The following DACH1 variants were observed in gnomAD, a reference collection of about 807,000 sequenced individuals.
The protein encoded by DACH1 is dachshund family transcription factor 1.
DACH1 carries 12 observed loss-of-function variants against 54.2 expected under a neutral mutation model. The observed-to-expected ratio is 0.22, with a 90% confidence interval of 0.14 to 0.36. The LOEUF is 0.36. Ranked by LOEUF, DACH1 falls within the 10% of genes least tolerant of loss-of-function variation. The probability of loss-of-function intolerance (pLI) is 1.00; values close to 1 mark genes in which losing one functional copy is unlikely to be tolerated. For synonymous variants in DACH1, 386 were observed against 366.2 expected (o/e 1.05, Z -0.62); for missense variants, 805 against 929.8 (o/e 0.87, Z 1.75).
intron 2 of DACH1, among the ~76,000 whole-genome samples, chr13:71,679,162 A>G (rs905203724): frequency 6.6e-6 from 1 of 152,238 alleles, no homozygotes; most frequent in Non-Finnish European, 1.5e-5. Context: ...AAATGATCGT[A>G]CTTTAAAAAT....
chr13:71,746,959 T>C lies in DACH1; in HGVS notation c.849-65049A>G, dbSNP rs560977238. Among the ~76,000 whole-genome samples, 17 of 152,294 alleles carry C rather than the reference T, an allele frequency of 1.1e-4. No individual in the cohort carries two copies. In the South Asian group the frequency reaches 3.5e-3, roughly 32 times the overall value. On this transcript the variant is annotated intron_variant, in intron 1 of 10. Transcript: ENST00000613252. ...ATTTCTGTATTAACACATATGTATA[T>C]GTATTAACACAATATCTAACACATA...
intron 2 of DACH1, among the ~76,000 whole-genome samples, chr13:71,659,595 A>C (rs2138648094): frequency 6.6e-6 from 1 of 152,238 alleles, no homozygotes; most frequent in East Asian, 1.9e-4. Context: ...GCTGTTAACA[A>C]CTTCTGAGTT....
At chr13:71,493,562 A>ATGTAAC (rs1272107805) in intron 6 of DACH1, among the ~76,000 whole-genome samples, 1 of 152,202 alleles carries the variant, frequency 6.6e-6, no homozygotes, top group East Asian at 1.9e-4. Flanking sequence ...CTAAAACAGT[A>ATGTAAC]TGTAACTTTT....
intron 1 of DACH1, among the ~76,000 whole-genome samples, chr13:71,837,187 C>T (rs1370628735): frequency 1.3e-5 from 2 of 151,678 alleles, no homozygotes; most frequent in African/African-American, 4.8e-5. Flanking sequence ...AATATACTTC[C>T]TCATTTGGAA....
At chr13:71,711,067 T>G (rs989966379) in intron 1 of DACH1, among the ~76,000 whole-genome samples, 1 of 152,122 alleles carries the variant, frequency 6.6e-6, no homozygotes, top group Non-Finnish European at 1.5e-5. Flanking sequence ...AAAACAGGAT[T>G]GCAAAGCCAT....
intron 1 of DACH1, among the ~76,000 whole-genome samples, chr13:71,862,238 A>C (rs1432044356): frequency 6.6e-6 from 1 of 152,054 alleles, no homozygotes; most frequent in African/African-American, 2.4e-5. Flanking sequence ...ATAATAAAAC[A>C]GGGTCACTTT....
At chr13:71,523,619 A>G (rs1392110610) in intron 6 of DACH1, among the ~76,000 whole-genome samples, 1 of 151,986 alleles carries the variant, frequency 6.6e-6, no homozygotes, top group Non-Finnish European at 1.5e-5. Context: ...CTTCCAAGTG[A>G]TTTTTCTCCT....
At chr13:71,857,742 A>G (rs1874098476) in intron 1 of DACH1, among the ~76,000 whole-genome samples, 1 of 151,770 alleles carries the variant, frequency 6.6e-6, no homozygotes, top group South Asian at 2.1e-4. Flanking sequence ...ATTTAAGTGT[A>G]AGTGCCTAAC....
intron 2 of DACH1, among the ~76,000 whole-genome samples, chr13:71,646,350 GA>G (rs985891838): frequency 1.7e-4 from 24 of 139,864 alleles, no homozygotes; most frequent in African/African-American, 5.8e-4. Context: ...AAAAAAAAAA[GA>G]AAAAAAAAAC....
At chr13:71,475,374 T>C (rs1448768454) in intron 9 of DACH1, among the ~76,000 whole-genome samples, 165 bp from the exon 10 acceptor site, 1 of 152,226 alleles carries the variant, frequency 6.6e-6, no homozygotes, top group East Asian at 1.9e-4. Context: ...TTTCGGAAGA[T>C]TTGAACAGTA....
At chr13:71,619,279 T>C (rs1478225598) in intron 3 of DACH1, among the ~76,000 whole-genome samples, 1 of 151,976 alleles carries the variant, frequency 6.6e-6, no homozygotes, top group Non-Finnish European at 1.5e-5. Flanking sequence ...AACACATTGA[T>C]ATTAATTGGT....
chr13:71,487,200 T>C (rs902693931), intron 7 of DACH1, among the ~76,000 whole-genome samples: 13 of 152,154 alleles, frequency 8.5e-5, no homozygotes, highest in Non-Finnish European at 1.5e-4. Flanking sequence ...TCTAACTTTA[T>C]CAGTCCCAGA....
chr13:71,600,810 G>A (rs921912877), intron 3 of DACH1, among the ~76,000 whole-genome samples: 1 of 151,998 alleles, frequency 6.6e-6, no homozygotes, highest in South Asian at 2.1e-4. Flanking sequence ...TCATCAAAAG[G>A]TAATTAGACT....
At chr13:71,799,591 C>T (rs997993589) in intron 1 of DACH1, among the ~76,000 whole-genome samples, 1 of 152,040 alleles carries the variant, frequency 6.6e-6, no homozygotes, top group African/African-American at 2.4e-5. Flanking sequence ...CATACCGGCT[C>T]TCAACCACTG....
chr13:71,595,298 A>C (rs1001337270), intron 3 of DACH1, among the ~76,000 whole-genome samples: 1 of 152,136 alleles, frequency 6.6e-6, no homozygotes, highest in African/African-American at 2.4e-5. Context: ...CAATCGTGGA[A>C]GGGATTGTAG....
chr13:71,440,451 A>C lies in DACH1; in HGVS notation c.*204T>G. 2.0e-6 allele frequency: 1 copy of C among 492,428 alleles called. No individual in the cohort carries two copies. Among genetic ancestry groups the C allele is most frequent in the East Asian group, 3.8e-5 (1 of 26,512 alleles). The allele number at this position is 492,428 out of a possible 1,614,324, so 30.5% of individuals were successfully genotyped here. A position where few individuals can be genotyped will look rare whatever the true frequency, so the allele number is the denominator to read the frequency against. On this transcript the variant is annotated 3_prime_UTR_variant, in exon 11 of 11. Transcript: ENST00000613252. ...TACTTGTACATTTACAAACATTCTC[A>C]GGTCTCTGGTATGAACCACAGGTGA... is the stretch of plus-strand genomic sequence containing the variant.
chr13:71,783,607 G>C (rs562702083), intron 1 of DACH1, among the ~76,000 whole-genome samples: 16 of 152,044 alleles, frequency 1.1e-4, no homozygotes, highest in Non-Finnish European at 2.4e-4. Context: ...CTGCCCCCAA[G>C]AGCATTGCCT....
intron 1 of DACH1, among the ~76,000 whole-genome samples, chr13:71,767,503 T>A (rs1313103219): frequency 6.6e-6 from 1 of 152,080 alleles, no homozygotes; most frequent in Non-Finnish European, 1.5e-5. Flanking sequence ...ATGACAGAGA[T>A]CAAGCTTCAC....
chr13:71,693,842 A>G (rs1480210292), intron 1 of DACH1, among the ~76,000 whole-genome samples: 1 of 152,180 alleles, frequency 6.6e-6, no homozygotes, highest in Non-Finnish European at 1.5e-5. Context: ...TAGAAAAAAT[A>G]CAGCATATAT....
Sources: allele counts gnomAD v4.1 joint callset (sites outside exome capture counted in the v4.1 genomes callset), GRCh38; gene constraint gnomAD v4.1.1; transcripts MANE v1.5; gene names NCBI Gene and HGNC (gene_info 2026-07-23, HGNC 2026-07-21).